The following CBLB variants were observed in gnomAD, a reference collection of about 807,000 sequenced individuals.
The protein encoded by CBLB is E3 ubiquitin-protein ligase CBL-B.
Under a neutral mutation model 104.9 loss-of-function variants are expected in CBLB, and 31 were observed. That is an observed-to-expected ratio of 0.30 (90% CI 0.22 to 0.40). The LOEUF is 0.40. CBLB is among the 10% of genes least tolerant of loss of function. The probability of loss-of-function intolerance (pLI) is 1.00; values close to 1 mark genes in which losing one functional copy is unlikely to be tolerated. For missense variants in CBLB, 1,062 were observed against 1,214.6 expected (o/e 0.87, Z 1.87); for synonymous variants, 440 against 422.6 (o/e 1.04, Z -0.51).
At chr3:105,853,730 G>A in intron 2 of CBLB, 66 bp from the exon 3 acceptor site, 1 of 1,109,390 alleles carries the variant, frequency 9.0e-7, no homozygotes, top group South Asian at 1.4e-5. Context: ...TAAAAAGTTA[G>A]AGAACCATGT....
At chr3:105,701,998 C>T in intron 12 of CBLB, 96 bp downstream of exon 12, 2 of 1,366,516 alleles carry the variant, frequency 1.5e-6, no homozygotes, top group Admixed American at 1.7e-5. Flanking sequence ...AAGTGCCATG[C>T]TAGGCAAAAA....
intron 9 of CBLB, among the ~76,000 whole-genome samples, chr3:105,726,278 C>A (rs960203049): frequency 2.0e-5 from 3 of 152,178 alleles, no homozygotes; most frequent in Admixed American, 1.3e-4. Flanking sequence ...TAATCATATT[C>A]CACATTAAAA....
chr3:105,782,177 T>A (rs2080336932), intron 3 of CBLB, among the ~76,000 whole-genome samples: 1 of 152,142 alleles, frequency 6.6e-6, no homozygotes, highest in Non-Finnish European at 1.5e-5. Flanking sequence ...ACTGGATCCT[T>A]ACCCATTCCC....
intron 4 of CBLB, among the ~76,000 whole-genome samples, chr3:105,753,114 C>T (rs2076737868): frequency 6.6e-6 from 1 of 151,992 alleles, no homozygotes; most frequent in Middle Eastern, 3.2e-3. Flanking sequence ...TGGAGGGATT[C>T]CAGAGAAGCA....
intron 3 of CBLB, among the ~76,000 whole-genome samples, chr3:105,836,223 A>G (rs1247821375): frequency 6.6e-6 from 1 of 152,160 alleles, no homozygotes; most frequent in Non-Finnish European, 1.5e-5. Flanking sequence ...TCCTTCACTA[A>G]TGGTTTCTGA....
rs552225645 is a variant in CBLB, at chr3:105,738,964, C to T, written c.983+1530G>A. On this transcript the variant is annotated intron_variant, in intron 7 of 18. Transcript: ENST00000394030. ...TCACTCTGATGCACAGGCTGGAGTG[C>T]AGTGGCACGATGTTGTCACTGTAGC... 2.0e-5 allele frequency among the ~76,000 whole-genome samples: 3 copies of T among 152,298 alleles called. No homozygotes were observed. In the East Asian group the frequency reaches 5.8e-4, roughly 29 times the overall value.
intron 6 of CBLB, among the ~76,000 whole-genome samples, chr3:105,743,998 C>CA (rs140132385): frequency 0.022 from 3,409 of 151,942 alleles, 91 homozygotes; most frequent in East Asian, 0.12. Context: ...GACTGATATA[C>CA]AAAAAAGCTG....
intron 14 of CBLB, among the ~76,000 whole-genome samples, chr3:105,684,869 T>G (rs1173612759): frequency 6.6e-6 from 1 of 152,148 alleles, no homozygotes; most frequent in African/African-American, 2.4e-5. Context: ...ACATTCTTAT[T>G]TGATCTAAAG....
intron 3 of CBLB, chr3:105,824,329 C>T (rs906772130): frequency 6.6e-6 from 1 of 152,164 alleles, no homozygotes; most frequent in African/African-American, 2.4e-5. Flanking sequence ...TTGGTGGAGA[C>T]TGTTACCATG....
At chr3:105,814,046 G>C (rs577369357) in intron 3 of CBLB, among the ~76,000 whole-genome samples, 2 of 152,188 alleles carry the variant, frequency 1.3e-5, no homozygotes, top group East Asian at 3.9e-4. Context: ...AAGCAATTCT[G>C]ATTGTTTGCT....
chr3:105,848,887 A>G (rs2090603261), intron 3 of CBLB, among the ~76,000 whole-genome samples: 1 of 152,136 alleles, frequency 6.6e-6, no homozygotes, highest in South Asian at 2.1e-4. Flanking sequence ...TCATTCTACT[A>G]AACCATATAC....
At chr3:105,674,257 C>A (rs755813050) in intron 17 of CBLB, among the ~76,000 whole-genome samples, 1 of 152,208 alleles carries the variant, frequency 6.6e-6, no homozygotes, top group Non-Finnish European at 1.5e-5. Flanking sequence ...AAATGGCATG[C>A]GCTTTCTCAT....
intron 8 of CBLB, 59 bp downstream of exon 8, chr3:105,737,112 T>TAG: frequency 2.4e-6 from 2 of 836,566 alleles, no homozygotes; most frequent in Non-Finnish European, 4.0e-6. Flanking sequence ...AGAGTCTTAT[T>TAG]TATTTCAAGG....
intron 17 of CBLB, 137 bp from the exon 18 acceptor site, chr3:105,670,489 C>T: frequency 1.5e-6 from 1 of 680,858 alleles, no homozygotes; most frequent in Non-Finnish European, 2.5e-6. Context: ...CTGATATTAA[C>T]CATTTTTTAC....
At chr3:105,817,459 T>G (rs1324416279) in intron 3 of CBLB, among the ~76,000 whole-genome samples, 1 of 152,100 alleles carries the variant, frequency 6.6e-6, no homozygotes, top group Non-Finnish European at 1.5e-5. Flanking sequence ...AGAAGCAGCC[T>G]TGGAGAATAC....
chr3:105,826,243 C>G (rs1357586031), intron 3 of CBLB, among the ~76,000 whole-genome samples: 1 of 152,082 alleles, frequency 6.6e-6, no homozygotes, highest in Non-Finnish European at 1.5e-5. Context: ...AACGAACATA[C>G]AAATATTTAC....
chr3:105,860,855 A>G (rs1223790380), intron 2 of CBLB, among the ~76,000 whole-genome samples: 2 of 152,190 alleles, frequency 1.3e-5, no homozygotes, highest in Non-Finnish European at 2.9e-5. Context: ...AAATAAGGCT[A>G]AGCCCAGGTC....
chr3:105,752,698 A>G (rs1039483361), intron 4 of CBLB, among the ~76,000 whole-genome samples: 1 of 152,186 alleles, frequency 6.6e-6, no homozygotes, highest in Non-Finnish European at 1.5e-5. Flanking sequence ...ATATCACCAT[A>G]AAGGTACAAC....
intron 3 of CBLB, among the ~76,000 whole-genome samples, chr3:105,777,150 A>T (rs779478553): frequency 2.0e-5 from 3 of 152,230 alleles, no homozygotes; most frequent in Non-Finnish European, 4.4e-5. Context: ...ATAACATGAG[A>T]CAGAGTAAGA....
Sources: allele counts gnomAD v4.1 joint callset (sites outside exome capture counted in the v4.1 genomes callset), GRCh38; gene constraint gnomAD v4.1.1; transcripts MANE v1.5; gene names NCBI Gene and HGNC (gene_info 2026-07-23, HGNC 2026-07-21).